Variants in TBC1D31 observed in about 807,000 individuals in gnomAD.
TBC1D31 encodes the protein TBC1 domain family member 31.
A neutral mutation model predicts 132.9 loss-of-function variants in TBC1D31; 99 were observed. The ratio of observed to expected loss-of-function variants is 0.74; its 90% CI spans 0.63 to 0.88. The LOEUF (loss-of-function observed/expected upper bound fraction) is 0.88, where lower values mean the gene tolerates loss of function less well. Ranked by LOEUF, TBC1D31 falls within the 40% of genes least tolerant of loss-of-function variation. TBC1D31 has a pLI of 0.00. For synonymous variants in TBC1D31, 385 were observed against 419.4 expected, an observed-to-expected ratio of 0.92 and a Z score of 1.00; for missense variants, 1,134 against 1,256.6, an observed-to-expected ratio of 0.90 and a Z score of 1.48.
chr8:123,086,431 AAGTGCC>A (rs1456762991), intron 4 of TBC1D31, among the ~76,000 whole-genome samples: 2 of 152,300 alleles, frequency 1.3e-5, no homozygotes, highest in East Asian at 3.9e-4. Flanking sequence ...TGGCGGCTGC[AAGTGCC>A]AGAGCCGGCA....
In TBC1D31 at chr8:123,072,764, T is replaced by C. The variant is rs369354600; in HGVS notation, c.-6T>C. ...GGGCCGCCGGCGGTCGTGGGCAAGC[T>C]TCGCCATGCAGAGCACTGACCTAGG... On this transcript the variant is annotated 5_prime_UTR_variant, in exon 1 of 22. Transcript: ENST00000287380. 6.4e-7 allele frequency: 1 copy of C among 1,559,952 alleles called. No individual in the cohort carries two copies. Among genetic ancestry groups the C allele is most frequent in the Non-Finnish European group, 8.7e-7 (1 of 1,152,260 alleles).
At chr8:123,089,174 A>G (rs920083538) in intron 4 of TBC1D31, among the ~76,000 whole-genome samples, 1 of 152,178 alleles carries the variant, frequency 6.6e-6, no homozygotes, top group Non-Finnish European at 1.5e-5. Flanking sequence ...CGGATCAGGG[A>G]TACTCAATTG....
chr8:123,125,643 G>A (rs932473493), intron 11 of TBC1D31, among the ~76,000 whole-genome samples: 4 of 152,008 alleles, frequency 2.6e-5, no homozygotes, highest in Non-Finnish European at 5.9e-5. Flanking sequence ...TTCTAATTTT[G>A]ATTACATGTG....
At chr8:123,100,707 C>A (rs1469319037) in intron 6 of TBC1D31, 100 bp from the exon 7 acceptor site, 1 of 770,414 alleles carries the variant, frequency 1.3e-6, no homozygotes, top group Non-Finnish European at 2.2e-6. Context: ...CACACACATA[C>A]ATACACAAAC....
Position 123,105,323 on chromosome 8 carries a change from G to T in TBC1D31, c.1068G>T (p.Leu356Phe). 6.3e-7 allele frequency: 1 copy of T among 1,590,582 alleles called. No homozygotes were observed. Among genetic ancestry groups the T allele is most frequent in the Non-Finnish European group, 8.6e-7 (1 of 1,167,606 alleles). The part of the protein sequence containing the change: ...PPPLVKVIED[L>F]PKNKLSSSDL... The stretch of plus-strand genomic sequence containing the variant: ...CTTTAGTGAAAGTTATTGAAGATTT[G>T]CCCAAGAATAAACTGAGTTCCAGTG... The change falls in exon 8 of 22, where the codon TTG (leucine) becomes TTT (phenylalanine). Residue 356 changes from leucine to phenylalanine, a missense_variant. Coordinates refer to ENST00000287380, the MANE Select transcript of TBC1D31 (RefSeq NM_145647.4).
downstream of TBC1D31, among the ~76,000 whole-genome samples, chr8:123,154,857 A>G (rs1296579844): frequency 1.3e-5 from 2 of 152,202 alleles, no homozygotes; most frequent in Non-Finnish European, 2.9e-5. Flanking sequence ...AAGCAAGAGC[A>G]AGAGTAAGCC....
chr8:123,110,004 G>C (rs1281223031), intron 10 of TBC1D31, among the ~76,000 whole-genome samples: 1 of 152,180 alleles, frequency 6.6e-6, no homozygotes, highest in Non-Finnish European at 1.5e-5. Context: ...GAGGCAGGGA[G>C]AATCGGTTGA....
chr8:123,140,007 T>C (rs1242468889), intron 17 of TBC1D31, among the ~76,000 whole-genome samples: 1 of 152,166 alleles, frequency 6.6e-6, no homozygotes, highest in African/African-American at 2.4e-5. Flanking sequence ...TTGAAGGATC[T>C]CCGTCCAACC....
At chr8:123,162,385 G>A in the TBC1D31 span, among the ~76,000 whole-genome samples, 1 of 152,134 alleles carries the variant, frequency 6.6e-6, no homozygotes, top group Non-Finnish European at 1.5e-5. Context: ...ATGGAAACCT[G>A]TTGAGAGTGA....
intron 10 of TBC1D31, among the ~76,000 whole-genome samples, chr8:123,110,413 A>G (rs1224271519): frequency 1.3e-5 from 2 of 152,238 alleles, no homozygotes; most frequent in Non-Finnish European, 2.9e-5. Flanking sequence ...ATAGGTAAAG[A>G]AACTAAGGCA....
chr8:123,140,236 C>A (rs1364545767), intron 17 of TBC1D31, among the ~76,000 whole-genome samples: 1 of 152,186 alleles, frequency 6.6e-6, no homozygotes, highest in Non-Finnish European at 1.5e-5. Context: ...GTGGCATGCA[C>A]CTGTAATCCC....
chr8:123,087,541 G>A (rs1163011138), intron 4 of TBC1D31, among the ~76,000 whole-genome samples: 1 of 152,160 alleles, frequency 6.6e-6, no homozygotes, highest in African/African-American at 2.4e-5. Flanking sequence ...TAGGCCAAAG[G>A]TCTTTTCTTC....
Position 123,142,331 on chromosome 8 carries a change from C to T in TBC1D31, c.2710C>T (p.His904Tyr). Residue 904 changes from histidine to tyrosine, a missense_variant, in exon 19 of 22, where the codon CAT (histidine) becomes TAT (tyrosine). Transcript: ENST00000287380. ...LNTDWQIQSLHKQKCDDLQRN... is the reference protein window; with the variant it reads ...LNTDWQIQSLYKQKCDDLQRN... The stretch of plus-strand genomic sequence containing the variant: ...TACCGACTGGCAGATTCAGTCTTTA[C>T]ATAAACAAAAATGTGATGATCTACA... 1 of 1,608,966 alleles carries T rather than the reference C, an allele frequency of 6.2e-7. No homozygotes were observed. The highest frequency in any genetic ancestry group is 1.1e-5 in the South Asian group (1 of 89,754).
In TBC1D31 at chr8:123,093,670, T is replaced by C. The variant is rs764365571; in HGVS notation, c.599T>C (p.Leu200Pro). ...NSIFAWECDT[L>P]FCKYQLPAPP... ...ATTTTTGCCTGGGAATGTGACACAC[T>C]TTTTTGCAAATATCAATTGCCAGCT... Residue 200 changes from leucine to proline, a missense_variant, in exon 5 of 22, where the codon CTT (leucine) becomes CCT (proline). Physicochemically the swap from Leu to Pro is moderately conservative, Grantham distance 98 (BLOSUM62 -3). Transcript: ENST00000287380. 1.9e-6 allele frequency: 3 copies of C among 1,611,294 alleles called. No individual in the cohort carries two copies. The highest frequency in any genetic ancestry group is 3.3e-5 in the Admixed American group (2 of 59,978).
chr8:123,079,197 T>C (rs1814869931), intron 2 of TBC1D31, among the ~76,000 whole-genome samples: 1 of 152,206 alleles, frequency 6.6e-6, no homozygotes, highest in South Asian at 2.1e-4. Flanking sequence ...GACAAAGGCA[T>C]GAATCTGGAC....
At chr8:123,104,988 G>T in intron 7 of TBC1D31, among the ~76,000 whole-genome samples, 1 of 152,130 alleles carries the variant, frequency 6.6e-6, no homozygotes, top group East Asian at 1.9e-4. Flanking sequence ...ACTTTACCAT[G>T]TATGTGTAAA....
At chr8:123,126,312 A>C (rs768729760) in intron 12 of TBC1D31, 123 bp downstream of exon 12, 3 of 1,315,852 alleles carry the variant, frequency 2.3e-6, no homozygotes, top group Non-Finnish European at 3.1e-6. Context: ...TATTTTTAAC[A>C]GTATTCCATT....
At chr8:123,096,342 G>A (rs867976297) in intron 5 of TBC1D31, among the ~76,000 whole-genome samples, 8 of 152,070 alleles carry the variant, frequency 5.3e-5, no homozygotes, top group African/African-American at 1.9e-4. Flanking sequence ...ATGCACTTGA[G>A]TATGACCTCT....
At chr8:123,076,961 C>G (rs1586537611) in intron 1 of TBC1D31, 150 bp from the exon 2 acceptor site, 1 of 617,628 alleles carries the variant, frequency 1.6e-6, no homozygotes, top group East Asian at 3.1e-5. Flanking sequence ...TTCTGAAATC[C>G]TGGTAAGATT....
Sources: gnomAD v4.1 joint callset for allele counts (sites outside exome capture counted in the v4.1 genomes callset) on GRCh38, gnomAD v4.1.1 for gene constraint, MANE v1.5 for transcripts, NCBI Gene and HGNC (gene_info 2026-07-23, HGNC 2026-07-21) for gene names.